TP53BP2: variants seen among roughly 807,000 people sequenced by gnomAD.
The protein encoded by TP53BP2 is apoptosis-stimulating of p53 protein 2.
A neutral mutation model predicts 126.2 loss-of-function variants in TP53BP2; 62 were observed. That is an observed-to-expected ratio of 0.49 (90% CI 0.40 to 0.61). TP53BP2 has a LOEUF of 0.61. Among genes scored for constraint, TP53BP2 ranks in the 20% least tolerant of loss-of-function variants. The pLI is 0.00. For synonymous variants in TP53BP2, 485 were observed against 502.9 expected (o/e 0.96, Z 0.48); for missense variants, 1,215 against 1,402.8 (o/e 0.87, Z 2.14).
intron 3 of TP53BP2, among the ~76,000 whole-genome samples, chr1:223,812,899 T>G (rs1278661578): frequency 2.0e-5 from 3 of 152,150 alleles, no homozygotes; most frequent in African/African-American, 7.2e-5. Flanking sequence ...AGTTTCGTCA[T>G]GTTGGCCAGG....
intron 1 of TP53BP2, among the ~76,000 whole-genome samples, chr1:223,829,150 G>A (rs1438106473): frequency 1.3e-5 from 2 of 151,992 alleles, no homozygotes; most frequent in Non-Finnish European, 1.5e-5. Flanking sequence ...GGGGCAACAT[G>A]GCAAAACCCT....
intron 1 of TP53BP2, among the ~76,000 whole-genome samples, chr1:223,831,453 C>G (rs1457997102): frequency 9.8e-6 from 1 of 102,038 alleles, no homozygotes; most frequent in African/African-American, 3.5e-5. Context: ...CATGCACACA[C>G]ATATGTACCA....
chr1:223,821,038 A>T, intron 2 of TP53BP2, 182 bp downstream of exon 2: 1 of 729,148 alleles, frequency 1.4e-6, no homozygotes, highest in Non-Finnish European at 2.2e-6. Context: ...TTGGAGAAAA[A>T]GAAAACCGAA....
intron 1 of TP53BP2, among the ~76,000 whole-genome samples, chr1:223,824,695 G>T (rs1161959527): frequency 6.6e-5 from 10 of 151,912 alleles, no homozygotes; most frequent in Admixed American, 6.6e-4. Flanking sequence ...AGTTCCCTAA[G>T]AGCTACTATT....
At chr1:223,837,167 G>T (rs1663952640) in intron 1 of TP53BP2, among the ~76,000 whole-genome samples, 1 of 130,496 alleles carries the variant, frequency 7.7e-6, no homozygotes, top group African/African-American at 2.8e-5. Flanking sequence ...GGGGGGGGCG[G>T]GGGGTCAAGG....
At chr1:223,836,331 C>G (rs997717131) in intron 1 of TP53BP2, among the ~76,000 whole-genome samples, 1 of 152,168 alleles carries the variant, frequency 6.6e-6, no homozygotes. Flanking sequence ...GAAGGAAGGC[C>G]GAATGAACCA....
At chr1:223,840,564 G>A (rs1175763789) in intron 1 of TP53BP2, among the ~76,000 whole-genome samples, 1 of 152,212 alleles carries the variant, frequency 6.6e-6, no homozygotes, top group African/African-American at 2.4e-5. Flanking sequence ...TAGATAACAT[G>A]AGCTTCAAGA....
In TP53BP2 at chr1:223,784,945, C is replaced by T. The variant is rs3767710; in HGVS notation, c.3164-631G>A. 4.3e-3 allele frequency among the ~76,000 whole-genome samples: 648 copies of T among 152,290 alleles called. 29 individuals are homozygous for T. In the East Asian group the frequency reaches 0.1, roughly 25 times the overall value. ...CTTAAAAGATGTCGAAATCCTCAAA[C>T]TAGGAAGGGAAAAATCCTCAGAAGT... On this transcript the variant is annotated intron_variant, in intron 16 of 17. Transcript: ENST00000343537.
chr1:223,797,444 G>C (rs1298597324), intron 12 of TP53BP2, among the ~76,000 whole-genome samples: 1 of 151,512 alleles, frequency 6.6e-6, no homozygotes, highest in Non-Finnish European at 1.5e-5. Context: ...TTTAGATGGA[G>C]TTTCACTCTT....
intron 1 of TP53BP2, among the ~76,000 whole-genome samples, chr1:223,834,643 A>G (rs1010508539): frequency 2.6e-5 from 4 of 152,088 alleles, no homozygotes; most frequent in Non-Finnish European, 5.9e-5. Flanking sequence ...TAAATTATCT[A>G]CTCCACAGTT....
chr1:223,834,051 G>C (rs1571876010), intron 1 of TP53BP2, among the ~76,000 whole-genome samples: 1 of 152,146 alleles, frequency 6.6e-6, no homozygotes, highest in Non-Finnish European at 1.5e-5. Flanking sequence ...AAGGCCCAGA[G>C]GTGGTAATGA....
At chr1:223,837,641 CTTTAA>C (rs546560375) in intron 1 of TP53BP2, among the ~76,000 whole-genome samples, 3 of 152,168 alleles carry the variant, frequency 2.0e-5, no homozygotes, top group South Asian at 4.1e-4. Context: ...AATTAAAACC[CTTTAA>C]TTTATTTTTG....
At chr1:223,786,189 A>G (rs1306941075) in intron 16 of TP53BP2, among the ~76,000 whole-genome samples, 1 of 152,234 alleles carries the variant, frequency 6.6e-6, no homozygotes, top group Non-Finnish European at 1.5e-5. Context: ...AAAACAAGCA[A>G]AACTGCAGAT....
intron 4 of TP53BP2, among the ~76,000 whole-genome samples, chr1:223,807,990 T>C (rs1662779456): frequency 6.6e-6 from 1 of 152,130 alleles, no homozygotes. Flanking sequence ...CTGAAAAGAA[T>C]CAAGCTGGAA....
At chr1:223,800,553 C>T in intron 10 of TP53BP2, 147 bp downstream of exon 10, 1 of 580,210 alleles carries the variant, frequency 1.7e-6, no homozygotes, top group Non-Finnish European at 2.9e-6. Flanking sequence ...CACTGCACTC[C>T]AGCCTGGATG....
intron 1 of TP53BP2, among the ~76,000 whole-genome samples, chr1:223,835,781 A>G (rs1347884444): frequency 6.6e-6 from 1 of 152,208 alleles, no homozygotes; most frequent in Non-Finnish European, 1.5e-5. Flanking sequence ...AAAGATGAAA[A>G]GGCATGCTCC....
intron 14 of TP53BP2, 113 bp downstream of exon 14, chr1:223,793,190 G>C (rs747003630): frequency 9.7e-6 from 8 of 821,470 alleles, no homozygotes; most frequent in Non-Finnish European, 1.4e-5. Context: ...TCTAATTAGA[G>C]CTTTAAAACA....
intron 1 of TP53BP2, among the ~76,000 whole-genome samples, chr1:223,831,034 C>T (rs948172245): frequency 1.3e-5 from 2 of 151,804 alleles, no homozygotes; most frequent in African/African-American, 4.8e-5. Flanking sequence ...GGAGGCGGAG[C>T]TTGCAGTGAG....
rs945460004 is a variant in TP53BP2, at chr1:223,780,097, A to G, written c.*756T>C. On this transcript the variant is annotated 3_prime_UTR_variant, in exon 18 of 18. Transcript: ENST00000343537. ...AAAACCAGTAAACAGCTAGCATCAA[A>G]AAGTTTATTACAACTGTTTTTAAAG... 2 of 152,234 alleles carry G rather than the reference A, an allele frequency of 1.3e-5. No individual in the cohort carries two copies. The highest frequency in any genetic ancestry group is 4.8e-5 in the African/African-American group (2 of 41,450). 9.4% of individuals were successfully genotyped at this position (152,234 alleles called of 1,614,324 possible). A position where few individuals can be genotyped will look rare whatever the true frequency, so the allele number is the denominator to read the frequency against.
Sources: gnomAD v4.1 joint callset for allele counts (sites outside exome capture counted in the v4.1 genomes callset) on GRCh38, gnomAD v4.1.1 for gene constraint, MANE v1.5 for transcripts, NCBI Gene and HGNC (gene_info 2026-07-23, HGNC 2026-07-21) for gene names.